Variants in SMOC2 observed in about 807,000 individuals in gnomAD.
SMOC2 encodes the protein SPARC-related modular calcium-binding protein 2.
In SMOC2, 39 loss-of-function variants were observed where a neutral mutation model predicts 61.4. The observed-to-expected ratio is 0.64, with a 90% confidence interval of 0.49 to 0.83. The LOEUF is 0.83. SMOC2 is among the 40% of genes least tolerant of loss of function. The probability of loss-of-function intolerance (pLI) is 0.00; values close to 1 mark genes in which losing one functional copy is unlikely to be tolerated. For missense variants in SMOC2, 556 were observed against 592.9 expected (o/e 0.94, Z 0.65); for synonymous variants, 247 against 239.9 (o/e 1.03, Z -0.27).
intron 1 of SMOC2, among the ~76,000 whole-genome samples, chr6:168,473,349 T>G (rs990473359): frequency 9.9e-5 from 15 of 152,178 alleles, no homozygotes; most frequent in African/African-American, 3.4e-4. Context: ...CACTGCCAGG[T>G]GTCATGGCCC....
chr6:168,547,055 AC>A, intron 5 of SMOC2, 63 bp from the exon 6 acceptor site: 12 of 1,604,634 alleles, frequency 7.5e-6, no homozygotes, highest in Admixed American at 1.7e-5. Context: ...ACCCGTATGC[AC>A]ACTTACTTAA....
At position 168,535,937 on chromosome 6, in the gene SMOC2, A is replaced by T. The variant is rs1783721073; in HGVS notation, c.464-7688A>T. On this transcript the variant is annotated intron_variant, in intron 4 of 12. Transcript: ENST00000356284. The surrounding 1 kb of genome is among the most constrained non-coding windows in gnomAD (Gnocchi z 4.6). ...GTGACAGGGATCCTGGGGACACGTG[A>T]GGAATAACGCAGCAGCCATGCAGCT... Among the ~76,000 whole-genome samples, 1 of 152,120 alleles carries T rather than the reference A, an allele frequency of 6.6e-6. No homozygotes were observed. Among genetic ancestry groups the T allele is most frequent in the South Asian group, 2.1e-4 (1 of 4,830 alleles).
At chr6:168,515,580 G>C (rs1313638125) in intron 2 of SMOC2, among the ~76,000 whole-genome samples, 1 of 151,938 alleles carries the variant, frequency 6.6e-6, no homozygotes, top group Non-Finnish European at 1.5e-5. Context: ...CTGCATCCTG[G>C]CTCGTGGCGG....
At chr6:168,623,714 A>C (rs1214694980) in intron 9 of SMOC2, among the ~76,000 whole-genome samples, 1 of 151,984 alleles carries the variant, frequency 6.6e-6, no homozygotes, top group East Asian at 1.9e-4. Flanking sequence ...GGAAGGTGAG[A>C]TGCTGGGCGG....
At chr6:168,632,116 C>T (rs1786586366) in intron 9 of SMOC2, among the ~76,000 whole-genome samples, 3 of 152,196 alleles carry the variant, frequency 2.0e-5, no homozygotes, top group South Asian at 4.1e-4. Context: ...ATCTTACAAA[C>T]ATCTTCATCT....
intron 9 of SMOC2, among the ~76,000 whole-genome samples, chr6:168,636,309 T>C (rs1460331314): frequency 6.6e-6 from 1 of 152,236 alleles, no homozygotes; most frequent in African/African-American, 2.4e-5. Flanking sequence ...AAGAACAACA[T>C]AGACAGACTC....
At chr6:168,596,616 G>T (rs1785342024) in intron 7 of SMOC2, among the ~76,000 whole-genome samples, 1 of 152,258 alleles carries the variant, frequency 6.6e-6, no homozygotes, top group Non-Finnish European at 1.5e-5. Context: ...ATTGAGTGAT[G>T]CACCAAGTGC....
At chr6:168,577,232 A>G (rs963722858) in intron 7 of SMOC2, among the ~76,000 whole-genome samples, 5 of 151,842 alleles carry the variant, frequency 3.3e-5, no homozygotes, top group Non-Finnish European at 7.4e-5. Context: ...ATTCCATCTA[A>G]ACACGCACTC....
At position 168,527,360 on chromosome 6, in the gene SMOC2, G is replaced by C. The variant is rs547217253; in HGVS notation, c.364-268G>C. On this transcript the variant is annotated intron_variant, in intron 3 of 12. Transcript: ENST00000356284. ...AGGGCTAGGGCTCCATCTGGAAGGC[G>C]GTGAGGATTAGTGGCTTCACAGGTA... Among the ~76,000 whole-genome samples the C allele has an allele frequency of 1.9e-4, 29 of 152,316 alleles. No homozygotes were observed. The East Asian group carries it at 5.0e-3, about 26-fold the overall frequency.
At chr6:168,463,614 A>T (rs1487489964) in intron 1 of SMOC2, among the ~76,000 whole-genome samples, 2 of 152,284 alleles carry the variant, frequency 1.3e-5, no homozygotes, top group African/African-American at 2.4e-5. Context: ...GAAACGGAAG[A>T]AAGAAGAGTA....
chr6:168,589,244 C>T (rs1397952676), intron 7 of SMOC2, among the ~76,000 whole-genome samples: 1 of 152,152 alleles, frequency 6.6e-6, no homozygotes, highest in Non-Finnish European at 1.5e-5. Flanking sequence ...TGTAATAATT[C>T]CTGAAGAACT....
chr6:168,498,564 G>A (rs890356853), intron 1 of SMOC2, among the ~76,000 whole-genome samples: 1 of 152,238 alleles, frequency 6.6e-6, no homozygotes, highest in Non-Finnish European at 1.5e-5. Context: ...TCCCTGGAAT[G>A]GTAGGGGAGC....
chr6:168,570,850 TG>T (rs1784648107), intron 7 of SMOC2, among the ~76,000 whole-genome samples: 3 of 152,244 alleles, frequency 2.0e-5, no homozygotes, highest in Admixed American at 2.0e-4. Flanking sequence ...TTTCCTGCAC[TG>T]ATTTCTGTGT....
At position 168,452,931 on chromosome 6, in the gene SMOC2, G is replaced by A. The variant is rs187253920; in HGVS notation, c.84+11477G>A. On this transcript the variant is annotated intron_variant, in intron 1 of 12. Coordinates refer to ENST00000356284, the MANE Select transcript of SMOC2 (RefSeq NM_001166412.2). This position sits in a 1 kb window ranked among gnomAD's most constrained non-coding sequence, Gnocchi z 5.0. ...TGTCAATTTCTGGGGCTTCCTCTGG[G>A]CTCCACGCAGGACCCCCTTCTCCCA... 1.4e-3 allele frequency among the ~76,000 whole-genome samples: 212 copies of A among 152,300 alleles called. 4 individuals carry two copies. The East Asian group carries it at 0.028, about 20-fold the overall frequency.
intron 7 of SMOC2, among the ~76,000 whole-genome samples, chr6:168,579,660 C>G (rs1784880852): frequency 6.6e-6 from 1 of 152,204 alleles, no homozygotes; most frequent in Admixed American, 6.5e-5. Flanking sequence ...CATCCAGGAA[C>G]TTCATGAGTA....
At chr6:168,490,428 C>G (rs1334104341) in intron 1 of SMOC2, among the ~76,000 whole-genome samples, 1 of 152,124 alleles carries the variant, frequency 6.6e-6, no homozygotes, top group African/African-American at 2.4e-5. Context: ...ATTGTCACAC[C>G]AGGTGGGCTC....
At chr6:168,592,346 C>T (rs545318297) in intron 7 of SMOC2, among the ~76,000 whole-genome samples, 2 of 131,770 alleles carry the variant, frequency 1.5e-5, no homozygotes, top group East Asian at 4.8e-4. Flanking sequence ...TCTCCGAGCT[C>T]CTCCTCCTTC....
intron 1 of SMOC2, among the ~76,000 whole-genome samples, chr6:168,461,948 C>T (rs1415598747): frequency 6.6e-6 from 1 of 152,208 alleles, no homozygotes; most frequent in Non-Finnish European, 1.5e-5. Flanking sequence ...GCCTTAGTGT[C>T]TTAGCCCGTC....
intron 10 of SMOC2, 51 bp downstream of exon 10, chr6:168,650,834 G>C: frequency 6.6e-7 from 1 of 1,521,294 alleles, no homozygotes; most frequent in Non-Finnish European, 8.9e-7. Context: ...CCAGAATTCT[G>C]GGGAATCTGG....
Sources: gnomAD v4.1 joint callset for allele counts (sites outside exome capture counted in the v4.1 genomes callset) on GRCh38, gnomAD v4.1.1 for gene constraint, Gnocchi (gnomAD v3.1) non-coding constraint, MANE v1.5 for transcripts, NCBI Gene and HGNC (gene_info 2026-07-23, HGNC 2026-07-21) for gene names.